Variants in BCAS3 observed in about 807,000 individuals in gnomAD.
The protein encoded by BCAS3 is BCAS3 microtubule associated cell migration factor, also known as BCAS4/BCAS3 fusion.
Under a neutral mutation model 116.1 loss-of-function variants are expected in BCAS3, and 53 were observed. The ratio of observed to expected loss-of-function variants is 0.46; its 90% CI spans 0.37 to 0.57. BCAS3 has a LOEUF of 0.57. Ranked by LOEUF, BCAS3 falls within the 20% of genes least tolerant of loss-of-function variation. The pLI is 0.00. For missense variants in BCAS3, 917 were observed against 1,165.4 expected, an observed-to-expected ratio of 0.79 and a Z score of 3.10; for synonymous variants, 391 against 408.2, an observed-to-expected ratio of 0.96 and a Z score of 0.51.
chr17:60,707,871 C>G lies in BCAS3; in HGVS notation c.215-1348C>G, dbSNP rs575361537. The stretch of plus-strand genomic sequence containing the variant: ...CCCTATATTTTAGTGATTGATTATC[C>G]TTTCTATATTGTGGGATTCAATTTG... On this transcript the variant is annotated intron_variant, in intron 4 of 23. Transcript: ENST00000407086. Among the ~76,000 whole-genome samples the G allele has an allele frequency of 4.6e-5, 7 of 152,024 alleles. No homozygotes were observed. The East Asian group carries it at 1.4e-3, about 29-fold the overall frequency.
chr17:61,391,966 G>T lies in BCAS3; in HGVS notation c.2594-11G>T. The stretch of plus-strand genomic sequence containing the variant: ...CTCTAACCAGGCCTGGCCCTCTCCT[G>T]TGTCTTGCAGAACTTCAGCGAGAGG... On this transcript the variant is annotated splice_polypyrimidine_tract_variant and intron_variant, in intron 23 of 23. Transcript: ENST00000407086. This position sits in a 1 kb window ranked among gnomAD's most constrained non-coding sequence, Gnocchi z 7.7. 6.2e-7 allele frequency: 1 copy of T among 1,612,906 alleles called. No homozygotes were observed.
chr17:60,936,747 T>A (rs2059951056), intron 13 of BCAS3, among the ~76,000 whole-genome samples: 2 of 152,240 alleles, frequency 1.3e-5, no homozygotes, highest in African/African-American at 4.8e-5. Flanking sequence ...TTATTGTAGA[T>A]TCTCGATATT....
chr17:60,855,350 A>G (rs977768699), intron 7 of BCAS3, among the ~76,000 whole-genome samples: 5 of 150,918 alleles, frequency 3.3e-5, no homozygotes, highest in African/African-American at 1.2e-4. Flanking sequence ...AAACTGCTAG[A>G]CTGTTGTCCA....
Position 60,960,987 on chromosome 17 carries a change from G to C in BCAS3, c.1221+13635G>C, listed in dbSNP as rs1376976190. Among the ~76,000 whole-genome samples the C allele has an allele frequency of 6.6e-6, 1 of 151,952 alleles. No individual in the cohort carries two copies. Among genetic ancestry groups the C allele is most frequent in the Non-Finnish European group, 1.5e-5 (1 of 68,010 alleles). On this transcript the variant is annotated intron_variant, in intron 14 of 23. Transcript: ENST00000407086. This position sits in a 1 kb window ranked among gnomAD's most constrained non-coding sequence, Gnocchi z 4.1. ...GATTGAGTGGATCCATGAAACACAT[G>C]CCTGATGTCTTCAGCAGAATGTTGT...
Position 61,249,155 on chromosome 17 carries a change from C to T in BCAS3, c.2426-119172C>T, listed in dbSNP as rs183322184. ...ACAAAAAATTAGCCGGGAATGGTGG[C>T]GGGTGCCTGTAATCCCAGCTACTCG... On this transcript the variant is annotated intron_variant, in intron 22 of 23. Transcript: ENST00000407086. This position sits in a 1 kb window ranked among gnomAD's most constrained non-coding sequence, Gnocchi z 6.2. Among the ~76,000 whole-genome samples, 38 of 152,024 alleles carry T rather than the reference C, an allele frequency of 2.5e-4. No homozygotes were observed. Among genetic ancestry groups the T allele is most frequent in the East Asian group, 7.8e-4 (4 of 5,160 alleles).
At chr17:61,237,564 G>C (rs1433585514) in intron 22 of BCAS3, among the ~76,000 whole-genome samples, 1 of 152,188 alleles carries the variant, frequency 6.6e-6, no homozygotes, top group Non-Finnish European at 1.5e-5. Context: ...ACCTTTAAGA[G>C]CTGTAACACT....
intron 23 of BCAS3, among the ~76,000 whole-genome samples, chr17:61,385,108 C>G (rs2059781903): frequency 6.6e-6 from 1 of 152,210 alleles, no homozygotes; most frequent in Non-Finnish European, 1.5e-5. Context: ...TCAGCCAACT[C>G]CATCTCTGTC....
intron 20 of BCAS3, among the ~76,000 whole-genome samples, chr17:61,075,364 G>A (rs574636526): frequency 1.3e-5 from 2 of 152,170 alleles, no homozygotes; most frequent in South Asian, 4.2e-4. Context: ...ACCCAAGCTG[G>A]AGTGCAGTGA....
intron 14 of BCAS3, among the ~76,000 whole-genome samples, chr17:60,970,756 A>G (rs2061914332): frequency 6.6e-6 from 1 of 152,232 alleles, no homozygotes; most frequent in East Asian, 1.9e-4. Flanking sequence ...AATACATTAA[A>G]TAAAATCAGA....
At chr17:61,175,545 T>G (rs2075076164) in intron 22 of BCAS3, among the ~76,000 whole-genome samples, 1 of 152,244 alleles carries the variant, frequency 6.6e-6, no homozygotes, top group Non-Finnish European at 1.5e-5. Context: ...ATGTCACCAA[T>G]GCAGCAAATT....
At chr17:61,039,580 G>A (rs562720529) in intron 18 of BCAS3, among the ~76,000 whole-genome samples, 3 of 152,014 alleles carry the variant, frequency 2.0e-5, no homozygotes, top group African/African-American at 4.8e-5. Flanking sequence ...TAGCCACCAC[G>A]CCAGCTAATT....
chr17:61,089,492 C>T (rs1316452308), intron 22 of BCAS3, among the ~76,000 whole-genome samples: 44 of 52,854 alleles, frequency 8.3e-4, no homozygotes, highest in Admixed American at 7.9e-4. Context: ...TTTTTTTCTT[C>T]GAGACGGAGT....
Position 61,017,893 on chromosome 17 carries a change from A to T in BCAS3, c.1637+1992A>T, listed in dbSNP as rs1480989411. On this transcript the variant is annotated intron_variant, in intron 16 of 23. Coordinates refer to ENST00000407086, the MANE Select transcript of BCAS3 (RefSeq NM_017679.5). The surrounding 1 kb of genome is among the most constrained non-coding windows in gnomAD (Gnocchi z 4.7). ...TTGGTGTCCTCCTGTGTTACTACAC[A>T]TTATGAATTTAGATAAAATTCTTAT... Among the ~76,000 whole-genome samples, 1 of 152,180 alleles carries T rather than the reference A, an allele frequency of 6.6e-6. No homozygotes were observed. Among genetic ancestry groups the T allele is most frequent in the African/African-American group, 2.4e-5 (1 of 41,454 alleles).
chr17:61,001,379 T>C (rs1000443326), intron 15 of BCAS3, among the ~76,000 whole-genome samples: 2 of 152,210 alleles, frequency 1.3e-5, no homozygotes, highest in African/African-American at 4.8e-5. Context: ...CTTACGTTGA[T>C]CAGTAGTTTT....
chr17:60,842,110 GTAAAACATACTTTAATAAA>G (rs2051999729), intron 7 of BCAS3, among the ~76,000 whole-genome samples: 1 of 152,096 alleles, frequency 6.6e-6, no homozygotes, highest in South Asian at 2.1e-4. Flanking sequence ...AAAAGTAATT[GTAAAACATACTTTAATAAA>G]TAACTGCTAG....
At chr17:60,885,755 G>A (rs1423993290) in intron 9 of BCAS3, among the ~76,000 whole-genome samples, 1 of 146,814 alleles carries the variant, frequency 6.8e-6, no homozygotes, top group Non-Finnish European at 1.5e-5. Flanking sequence ...TTTTCTTTAA[G>A]AATGTTGAAT....
rs1439531226 is a variant in BCAS3, at chr17:61,156,577, GC to G, written c.2425+72015del. On this transcript the variant is annotated intron_variant, in intron 22 of 23. Transcript: ENST00000407086. The surrounding 1 kb of genome is among the most constrained non-coding windows in gnomAD (Gnocchi z 4.7). ...CTCACCTTCTCCCTACCCAACCCCT[GC>G]CTCCCCTTTTATTTTTATGTCGAGT... 6.6e-6 allele frequency among the ~76,000 whole-genome samples: 1 copy of G among 152,040 alleles called. No homozygotes were observed. The highest frequency in any genetic ancestry group is 1.5e-5 in the Non-Finnish European group (1 of 68,006).
In BCAS3 at chr17:61,276,738, C is replaced by T. The variant is rs1489599230; in HGVS notation, c.2426-91589C>T. 1.3e-5 allele frequency among the ~76,000 whole-genome samples: 2 copies of T among 152,042 alleles called. No homozygotes were observed. Among genetic ancestry groups the T allele is most frequent in the Non-Finnish European group, 2.9e-5 (2 of 68,014 alleles). ...AAATTTACATATAAATTCAAGGGTGCAGAAAAGCCGAAATAATCTTGAAAA... is the reference window on the plus strand; with the variant it reads ...AAATTTACATATAAATTCAAGGGTGTAGAAAAGCCGAAATAATCTTGAAAA... On this transcript the variant is annotated intron_variant, in intron 22 of 23. Transcript: ENST00000407086. The surrounding 1 kb of genome is among the most constrained non-coding windows in gnomAD (Gnocchi z 4.2).
At chr17:60,841,045 TAA>T (rs2051852505) in intron 7 of BCAS3, among the ~76,000 whole-genome samples, 1 of 152,146 alleles carries the variant, frequency 6.6e-6, no homozygotes, top group African/African-American at 2.4e-5. Flanking sequence ...GTTAAAATTT[TAA>T]AAATTATTTA....
Sources: allele counts gnomAD v4.1 joint callset (sites outside exome capture counted in the v4.1 genomes callset), GRCh38; gene constraint gnomAD v4.1.1; non-coding constraint Gnocchi (gnomAD v3.1); transcripts MANE v1.5; gene names NCBI Gene and HGNC (gene_info 2026-07-23, HGNC 2026-07-21).